CCDC91: variants seen among roughly 807,000 people sequenced by gnomAD.
CCDC91 encodes coiled-coil domain-containing protein 91.
Under a neutral mutation model 63.2 loss-of-function variants are expected in CCDC91, and 48 were observed. The observed-to-expected ratio is 0.76, with a 90% confidence interval of 0.60 to 0.97. The LOEUF (loss-of-function observed/expected upper bound fraction) is 0.97, where lower values mean the gene tolerates loss of function less well. CCDC91 is among the 50% of genes least tolerant of loss of function. The pLI, the probability that CCDC91 is intolerant of heterozygous loss-of-function variation, is 0.00. For synonymous variants in CCDC91, 167 were observed against 165.8 expected (o/e 1.01, Z -0.06); for missense variants, 500 against 494.6 (o/e 1.01, Z -0.10).
At chr12:28,467,543 G>A (rs560839398) in intron 11 of CCDC91, among the ~76,000 whole-genome samples, 22 of 151,994 alleles carry the variant, frequency 1.4e-4, no homozygotes, top group African/African-American at 5.1e-4. Context: ...TTCAGTATTG[G>A]ACACATCTTC....
At chr12:28,273,182 T>G (rs1413023259) in intron 3 of CCDC91, among the ~76,000 whole-genome samples, 1 of 152,162 alleles carries the variant, frequency 6.6e-6, no homozygotes, top group African/African-American at 2.4e-5. Flanking sequence ...TCCTTTTTTA[T>G]GGCTGCATAG....
chr12:28,420,764 T>A (rs1445783526), intron 8 of CCDC91, among the ~76,000 whole-genome samples: 2 of 152,018 alleles, frequency 1.3e-5, no homozygotes, highest in Admixed American at 6.6e-5. Context: ...ATGGTTTTTT[T>A]TTTTTCAGTA....
At chr12:28,400,819 CT>C (rs1300658668) in intron 8 of CCDC91, among the ~76,000 whole-genome samples, 7 of 152,252 alleles carry the variant, frequency 4.6e-5, no homozygotes, top group African/African-American at 1.7e-4. Flanking sequence ...CAAGAGTGAC[CT>C]TTGCCCCAGT....
chr12:28,417,620 G>GAGATAT (rs1555208046), intron 8 of CCDC91, among the ~76,000 whole-genome samples: 21 of 139,810 alleles, frequency 1.5e-4, no homozygotes, highest in African/African-American at 5.1e-4. Context: ...GAACCTTTGA[G>GAGATAT]ATATATATAT....
At chr12:28,411,686 T>C (rs1429652251) in intron 8 of CCDC91, among the ~76,000 whole-genome samples, 1 of 152,184 alleles carries the variant, frequency 6.6e-6, no homozygotes, top group East Asian at 1.9e-4. Flanking sequence ...TATAAGATGG[T>C]GGTCTTATAA....
intron 11 of CCDC91, among the ~76,000 whole-genome samples, chr12:28,481,363 A>G (rs540891919): frequency 1.7e-3 from 254 of 152,102 alleles, no homozygotes; most frequent in Non-Finnish European, 3.2e-3. Flanking sequence ...TCCAAGGTTG[A>G]GAAACCCTTC....
chr12:28,345,277 T>C (rs1439424857), intron 6 of CCDC91, among the ~76,000 whole-genome samples: 1 of 152,138 alleles, frequency 6.6e-6, no homozygotes, highest in African/African-American at 2.4e-5. Flanking sequence ...TACATACATA[T>C]ATATTCATGT....
chr12:28,303,106 C>A (rs2137023261), intron 3 of CCDC91, among the ~76,000 whole-genome samples: 1 of 152,190 alleles, frequency 6.6e-6, no homozygotes, highest in Non-Finnish European at 1.5e-5. Context: ...CATTATCATT[C>A]TCTGGAGAAC....
intron 7 of CCDC91, among the ~76,000 whole-genome samples, chr12:28,369,981 C>T (rs924291722): frequency 9.9e-5 from 15 of 152,148 alleles, no homozygotes; most frequent in African/African-American, 2.9e-4. Context: ...TAGGCCTCTA[C>T]GGGCTATGGG....
At chr12:28,536,921 A>G (rs1942221510) in intron 12 of CCDC91, among the ~76,000 whole-genome samples, 1 of 152,184 alleles carries the variant, frequency 6.6e-6, no homozygotes, top group Non-Finnish European at 1.5e-5. Flanking sequence ...ATTGAGACTG[A>G]AACTGATATT....
At chr12:28,320,660 A>G (rs540911831) in intron 6 of CCDC91, among the ~76,000 whole-genome samples, 1 of 152,020 alleles carries the variant, frequency 6.6e-6, no homozygotes, top group East Asian at 1.9e-4. Context: ...TTTGCAGGTA[A>G]GTAAGTCATA....
chr12:28,269,381 C>G (rs1424233771), intron 3 of CCDC91, among the ~76,000 whole-genome samples: 1 of 151,996 alleles, frequency 6.6e-6, no homozygotes, highest in Non-Finnish European at 1.5e-5. Context: ...ATTCCATATC[C>G]CACCCATCAG....
At chr12:28,420,190 A>G (rs551623959) in intron 8 of CCDC91, among the ~76,000 whole-genome samples, 1 of 152,270 alleles carries the variant, frequency 6.6e-6, no homozygotes, top group East Asian at 1.9e-4. Context: ...TTGATTCCAG[A>G]TCTAACTTCA....
At chr12:28,499,075 T>G (rs1952472089) in intron 12 of CCDC91, among the ~76,000 whole-genome samples, 1 of 151,660 alleles carries the variant, frequency 6.6e-6, no homozygotes, top group Non-Finnish European at 1.5e-5. Context: ...TGATTGTGAT[T>G]TGTTTCTAGC....
chr12:28,366,446 A>G (rs2138690340), intron 7 of CCDC91, among the ~76,000 whole-genome samples: 1 of 152,328 alleles, frequency 6.6e-6, no homozygotes, highest in East Asian at 1.9e-4. Context: ...TTCTACTTCC[A>G]CCAAGTACCA....
chr12:28,443,238 C>CAA (rs1262273114), intron 8 of CCDC91, among the ~76,000 whole-genome samples: 70 of 82,268 alleles, frequency 8.5e-4, no homozygotes, highest in African/African-American at 2.3e-3. Flanking sequence ...GAGTCCTAGG[C>CAA]AAAAAAAAAA....
intron 12 of CCDC91, among the ~76,000 whole-genome samples, chr12:28,544,272 C>G (rs1211373103): frequency 1.3e-5 from 2 of 151,758 alleles, no homozygotes; most frequent in African/African-American, 2.4e-5. Context: ...CTGCACCCCC[C>G]TTTTGGAGTT....
intron 12 of CCDC91, among the ~76,000 whole-genome samples, chr12:28,504,270 T>C (rs1938420850): frequency 6.6e-6 from 1 of 150,816 alleles, no homozygotes; most frequent in Non-Finnish European, 1.5e-5. Flanking sequence ...AAAGTTTTTG[T>C]ACAATCCTAT....
intron 12 of CCDC91, among the ~76,000 whole-genome samples, chr12:28,542,787 AT>A (rs539118566): frequency 3.3e-5 from 5 of 151,852 alleles, no homozygotes; most frequent in African/African-American, 7.3e-5. Flanking sequence ...ACTTAAAGGT[AT>A]TTTTTTTATT....
Sources: gnomAD v4.1 joint callset for allele counts (sites outside exome capture counted in the v4.1 genomes callset) on GRCh38, gnomAD v4.1.1 for gene constraint, MANE v1.5 for transcripts, NCBI Gene and HGNC (gene_info 2026-07-23, HGNC 2026-07-21) for gene names.